Variants in CDH4 observed in about 807,000 individuals in gnomAD.
CDH4 encodes the protein cadherin 4, also known as cadherin-4.
In CDH4, 33 loss-of-function variants were observed where a neutral mutation model predicts 86.0. The ratio of observed to expected loss-of-function variants is 0.38; its 90% CI spans 0.29 to 0.51. CDH4 has a LOEUF of 0.51. Ranked by LOEUF, CDH4 falls within the 20% of genes least tolerant of loss-of-function variation. CDH4 has a pLI of 0.86. For synonymous variants in CDH4, 555 were observed against 549.4 expected, an observed-to-expected ratio of 1.01 and a Z score of -0.14; for missense variants, 1,114 against 1,307.4, an observed-to-expected ratio of 0.85 and a Z score of 2.28.
Position 61,810,065 on chromosome 20 carries a change from T to TTG in CDH4, c.577-34603_577-34602insTG, listed in dbSNP as rs1329664202. Among the ~76,000 whole-genome samples the TTG allele has an allele frequency of 6.6e-6, 1 of 152,076 alleles. No individual in the cohort carries two copies. The highest frequency in any genetic ancestry group is 2.4e-5 in the African/African-American group (1 of 41,402). Reference sequence around the variant, plus strand: ...CCTCAGTGACATCCAACCACAAGTGTGTTTCTCACACATCCAGAGGTTTGG... The same window carrying TTG: ...CCTCAGTGACATCCAACCACAAGTGTTGGTTTCTCACACATCCAGAGGTTTGG... On this transcript the variant is annotated intron_variant, in intron 4 of 15. Coordinates refer to ENST00000614565, the MANE Select transcript of CDH4 (RefSeq NM_001794.5). This position sits in a 1 kb window ranked among gnomAD's most constrained non-coding sequence, Gnocchi z 4.3.
At chr20:61,372,994 T>C (rs2084848732) in intron 2 of CDH4, among the ~76,000 whole-genome samples, 1 of 152,238 alleles carries the variant, frequency 6.6e-6, no homozygotes, top group Non-Finnish European at 1.5e-5. Context: ...TTTTTTTTCA[T>C]TTAGATGTTA....
chr20:61,372,898 C>T (rs966128374), intron 2 of CDH4, among the ~76,000 whole-genome samples: 30 of 152,262 alleles, frequency 2.0e-4, no homozygotes, highest in Admixed American at 1.3e-4. Flanking sequence ...ATTCAAAGGG[C>T]GGAGGCCTCA....
chr20:61,253,408 C>T (rs2084077144), intron 1 of CDH4, among the ~76,000 whole-genome samples: 1 of 152,194 alleles, frequency 6.6e-6, no homozygotes, highest in South Asian at 2.1e-4. Context: ...TCCGGGGGCG[C>T]CCCTGGGCGG....
At chr20:61,936,241 A>G (rs1259814737) in intron 15 of CDH4, among the ~76,000 whole-genome samples, 2 of 136,988 alleles carry the variant, frequency 1.5e-5, no homozygotes, top group Non-Finnish European at 3.2e-5. Context: ...CACATGGCCC[A>G]GCCCTCACCT....
chr20:61,261,690 A>T (rs2123121646), intron 2 of CDH4, among the ~76,000 whole-genome samples: 1 of 152,314 alleles, frequency 6.6e-6, no homozygotes, highest in African/African-American at 2.4e-5. Flanking sequence ...GTTTTAGAGC[A>T]CCACTGTCAC....
At chr20:61,452,033 G>T (rs1568850110) in intron 2 of CDH4, among the ~76,000 whole-genome samples, 1 of 152,180 alleles carries the variant, frequency 6.6e-6, no homozygotes, top group African/African-American at 2.4e-5. Flanking sequence ...AACGGCTGTG[G>T]CCCCTTCCTG....
At chr20:61,820,216 G>A (rs1209026114) in intron 4 of CDH4, among the ~76,000 whole-genome samples, 2 of 152,076 alleles carry the variant, frequency 1.3e-5, no homozygotes, top group African/African-American at 2.4e-5. Context: ...GGCTCTCACT[G>A]GCTGCTGCCT....
intron 2 of CDH4, among the ~76,000 whole-genome samples, chr20:61,412,613 C>G (rs984249001): frequency 6.6e-6 from 1 of 152,120 alleles, no homozygotes; most frequent in Non-Finnish European, 1.5e-5. Context: ...TAGTTAGATC[C>G]TAGGGTGCTA....
In CDH4 at chr20:61,587,264, C is replaced by A. The variant is rs8121756; in HGVS notation, c.170-156299C>A. Among the ~76,000 whole-genome samples, 669 of 152,224 alleles carry A rather than the reference C, an allele frequency of 4.4e-3. 4 individuals are homozygous for A. Among genetic ancestry groups the A allele is most frequent in the African/African-American group, 0.015 (633 of 41,558 alleles). ...CGCTTGAAGGGGGGCCACTGAGTGACTGGACAGGGCCGGGCAGGTGGACAC... is the reference window on the plus strand; with the variant it reads ...CGCTTGAAGGGGGGCCACTGAGTGAATGGACAGGGCCGGGCAGGTGGACAC... On this transcript the variant is annotated intron_variant, in intron 2 of 15. Transcript: ENST00000614565.
chr20:61,498,475 A>G (rs1309157352), intron 2 of CDH4, among the ~76,000 whole-genome samples: 1 of 152,180 alleles, frequency 6.6e-6, no homozygotes, highest in Non-Finnish European at 1.5e-5. Flanking sequence ...AGAATTGTCT[A>G]CTCACTGCTG....
In CDH4 at chr20:61,811,225, A is replaced by G. The variant is rs1980417958; in HGVS notation, c.577-33443A>G. The stretch of plus-strand genomic sequence containing the variant: ...TGAGGATGTGAACCAGGTGAAGTGA[A>G]GAATTGCTGGAGGAAACATCCAAAC... On this transcript the variant is annotated intron_variant, in intron 4 of 15. Transcript: ENST00000614565. This position sits in a 1 kb window ranked among gnomAD's most constrained non-coding sequence, Gnocchi z 4.4. 6.6e-6 allele frequency among the ~76,000 whole-genome samples: 1 copy of G among 152,230 alleles called. No homozygotes were observed. Among genetic ancestry groups the G allele is most frequent in the South Asian group, 2.1e-4 (1 of 4,834 alleles).
At chr20:61,851,917 C>A (rs1230048523) in intron 5 of CDH4, among the ~76,000 whole-genome samples, 3 of 152,262 alleles carry the variant, frequency 2.0e-5, no homozygotes, top group Non-Finnish European at 4.4e-5. Context: ...AATCTAGGGT[C>A]CAGCCCAGCA....
Position 61,517,690 on chromosome 20 carries a change from AG to A in CDH4, c.170-225869del, listed in dbSNP as rs1451487773. On this transcript the variant is annotated intron_variant, in intron 2 of 15. Coordinates refer to ENST00000614565, the MANE Select transcript of CDH4 (RefSeq NM_001794.5). The surrounding 1 kb of genome is among the most constrained non-coding windows in gnomAD (Gnocchi z 6.6). ...AGGACCATGGAGGGAATGAACAAGG[AG>A]GGGTTGTCGGACGTGTTCAGGACAG... 1.4e-5 allele frequency among the ~76,000 whole-genome samples: 2 copies of A among 145,032 alleles called. No homozygotes were observed. The highest frequency in any genetic ancestry group is 1.5e-5 in the Non-Finnish European group (1 of 65,822).
At chr20:61,728,374 C>A (rs1751787792) in intron 2 of CDH4, among the ~76,000 whole-genome samples, 1 of 151,568 alleles carries the variant, frequency 6.6e-6, no homozygotes, top group South Asian at 2.1e-4. Flanking sequence ...TTAGATGGTG[C>A]CTTATTCTCA....
At chr20:61,625,108 G>A (rs951699844) in intron 2 of CDH4, among the ~76,000 whole-genome samples, 1 of 152,160 alleles carries the variant, frequency 6.6e-6, no homozygotes, top group Non-Finnish European at 1.5e-5. Flanking sequence ...TGAGGCTGAA[G>A]TGTCTAATAG....
rs934809307 is a variant in CDH4 at position 61,711,256 on chromosome 20, C to T, written c.170-32307C>T. Among the ~76,000 whole-genome samples, 6 of 152,242 alleles carry T rather than the reference C, an allele frequency of 3.9e-5. 1 individual carries two copies. Among genetic ancestry groups the T allele is most frequent in the East Asian group, 1.9e-4 (1 of 5,196 alleles). On this transcript the variant is annotated intron_variant, in intron 2 of 15. Transcript: ENST00000614565. The stretch of plus-strand genomic sequence containing the variant: ...AAGGAGGATGTGTTTGCTTCCCCTT[C>T]GCCTTCCGCCATGATTGTAAGTTTT...
At position 61,894,939 on chromosome 20, in the gene CDH4, G is replaced by A. The variant is rs187801920; in HGVS notation, c.1080G>A (p.Gln360=). Residue 360 remains glutamine (Q), a synonymous_variant, in exon 8 of 16, where the codon CAG becomes CAA. Transcript: ENST00000614565. ...TTCAGCAGTACACAGTCATCGTTCAGGCCACAGATATGGAAGGAAATCTCA... is the reference window on the plus strand; with the variant it reads ...TTCAGCAGTACACAGTCATCGTTCAAGCCACAGATATGGAAGGAAATCTCA... ...EKVQQYTVIV[Q]ATDMEGNLNY... 6 of 1,613,936 alleles carry A rather than the reference G, an allele frequency of 3.7e-6. No individual in the cohort carries two copies. Among genetic ancestry groups the A allele is most frequent in the East Asian group, 2.2e-5 (1 of 44,882 alleles).
chr20:61,483,475 A>G (rs1373479809), intron 2 of CDH4, among the ~76,000 whole-genome samples: 2 of 152,304 alleles, frequency 1.3e-5, no homozygotes, highest in East Asian at 3.9e-4. Context: ...GTGCACGCCC[A>G]TTGAGCATGA....
At chr20:61,524,156 C>G (rs920293077) in intron 2 of CDH4, among the ~76,000 whole-genome samples, 4 of 152,116 alleles carry the variant, frequency 2.6e-5, no homozygotes, top group African/African-American at 9.7e-5. Context: ...TGCTGTGGTC[C>G]ATTGGGCTGC....
Sources: allele counts gnomAD v4.1 joint callset (sites outside exome capture counted in the v4.1 genomes callset), GRCh38; gene constraint gnomAD v4.1.1; non-coding constraint Gnocchi (gnomAD v3.1); transcripts MANE v1.5; gene names NCBI Gene and HGNC (gene_info 2026-07-23, HGNC 2026-07-21).